CEP63: variants seen among roughly 807,000 people sequenced by gnomAD.
The protein encoded by CEP63 is centrosomal protein of 63 kDa.
A neutral mutation model predicts 89.1 loss-of-function variants in CEP63; 84 were observed. The observed-to-expected ratio is 0.94, with a 90% CI of 0.79 to 1.13. The LOEUF (loss-of-function observed/expected upper bound fraction) is 1.13, where lower values mean the gene tolerates loss of function less well. Ranked by LOEUF, CEP63 falls within the 50% of genes most tolerant of loss-of-function variation. The probability of loss-of-function intolerance (pLI) is 0.00; values close to 1 mark genes in which losing one functional copy is unlikely to be tolerated. For missense variants in CEP63, 838 were observed against 813.3 expected (o/e 1.03, Z -0.37); for synonymous variants, 267 against 272.5 (o/e 0.98, Z 0.20).
chr3:134,619,226 G>T, the CEP63 span: 9 of 1,613,864 alleles, frequency 5.6e-6, no homozygotes, highest in East Asian at 4.5e-5. Flanking sequence ...GGGTTTGAAG[G>T]CTTGGCGGTC....
rs77869166 is a variant in CEP63, at chr3:134,495,879, A to G, written c.44+515A>G. On this transcript the variant is annotated intron_variant, in intron 2 of 14. Coordinates refer to ENST00000675561, the MANE Select transcript of CEP63 (RefSeq NM_001353108.3). The stretch of plus-strand genomic sequence containing the variant: ...CACTTAACGACCACCAGTTTTATCC[A>G]TGTTGCTGCAAATAACAGGGCTTCA... Among the ~76,000 whole-genome samples, 1,135 of 152,292 alleles carry G rather than the reference A, an allele frequency of 7.5e-3. 23 individuals are homozygous for G. Among genetic ancestry groups the G allele is most frequent in the South Asian group, 0.073 (354 of 4,820 alleles).
chr3:134,748,607 A>C, the CEP63 span, among the ~76,000 whole-genome samples: 3 of 152,182 alleles, frequency 2.0e-5, no homozygotes, highest in African/African-American at 7.2e-5. Flanking sequence ...GGGCCCAGTC[A>C]TTCCACTGCA....
chr3:134,744,964 T>C, the CEP63 span, among the ~76,000 whole-genome samples: 1 of 152,232 alleles, frequency 6.6e-6, no homozygotes, highest in Non-Finnish European at 1.5e-5. Context: ...TGCATACTTT[T>C]AAGCATATAA....
the CEP63 span, among the ~76,000 whole-genome samples, chr3:134,687,563 C>T: frequency 2.0e-5 from 3 of 152,124 alleles, no homozygotes; most frequent in East Asian, 5.8e-4. Context: ...TCAGATGAGA[C>T]CTTGGATGTG....
At chr3:134,765,684 C>A in the CEP63 span, among the ~76,000 whole-genome samples, 1 of 152,100 alleles carries the variant, frequency 6.6e-6, no homozygotes, top group Non-Finnish European at 1.5e-5. Flanking sequence ...GGGAGAGAGT[C>A]TGTGTGAGAG....
the CEP63 span, among the ~76,000 whole-genome samples, chr3:134,597,155 G>A: frequency 2.8e-4 from 43 of 152,242 alleles, 1 homozygote; most frequent in South Asian, 6.2e-4. Context: ...ACCATTGGTC[G>A]GTTTTAAGTA....
At chr3:134,516,094 C>T (rs1359878846) in intron 3 of CEP63, among the ~76,000 whole-genome samples, 12 of 152,080 alleles carry the variant, frequency 7.9e-5, no homozygotes, top group Non-Finnish European at 1.6e-4. Flanking sequence ...CCTCTGAGTT[C>T]CCTTAGTATT....
the CEP63 span, among the ~76,000 whole-genome samples, chr3:134,768,884 G>A: frequency 6.6e-6 from 1 of 152,180 alleles, no homozygotes; most frequent in Non-Finnish European, 1.5e-5. Flanking sequence ...TAGCAGAAGA[G>A]GGGTCAAAAG....
chr3:134,660,771 T>A, the CEP63 span, among the ~76,000 whole-genome samples: 1 of 152,074 alleles, frequency 6.6e-6, no homozygotes, highest in Non-Finnish European at 1.5e-5. Flanking sequence ...GGAAGTGAAA[T>A]TGGCAGATTT....
At chr3:134,585,993 G>T (rs1002355993) in intron 10 of CEP63, among the ~76,000 whole-genome samples, 2 of 151,738 alleles carry the variant, frequency 1.3e-5, no homozygotes, top group African/African-American at 4.9e-5. Flanking sequence ...CTTAAAGTCT[G>T]TCTTATCAGA....
At chr3:134,632,083 C>T in the CEP63 span, among the ~76,000 whole-genome samples, 4 of 152,076 alleles carry the variant, frequency 2.6e-5, no homozygotes, top group African/African-American at 9.6e-5. Flanking sequence ...CTTCAATAGG[C>T]ATACGTCAAA....
At chr3:134,606,615 C>A in the CEP63 span, among the ~76,000 whole-genome samples, 1 of 152,136 alleles carries the variant, frequency 6.6e-6, no homozygotes, top group Admixed American at 6.5e-5. Flanking sequence ...GTGTAGTGTC[C>A]GAACTCCTTG....
chr3:134,609,837 TGTG>T, the CEP63 span, among the ~76,000 whole-genome samples: 5 of 152,288 alleles, frequency 3.3e-5, no homozygotes, highest in Non-Finnish European at 5.9e-5. Flanking sequence ...TGCCTGGTAA[TGTG>T]GTCAATGGCC....
the CEP63 span, among the ~76,000 whole-genome samples, chr3:134,666,528 A>G: frequency 6.6e-6 from 1 of 152,186 alleles, no homozygotes. Flanking sequence ...GGCAGGAGCC[A>G]GGGCACGAGG....
the CEP63 span, among the ~76,000 whole-genome samples, chr3:134,701,315 T>TGTATATATAC: frequency 9.1e-5 from 6 of 65,760 alleles, 2 homozygotes; most frequent in Non-Finnish European, 1.7e-4. Flanking sequence ...CGTATATATG[T>TGTATATATAC]GTATATATAC....
At chr3:134,634,184 C>T in the CEP63 span, among the ~76,000 whole-genome samples, 2 of 152,258 alleles carry the variant, frequency 1.3e-5, no homozygotes, top group African/African-American at 4.8e-5. Flanking sequence ...GGGCAATTCT[C>T]TCAAAATTGA....
rs770497177 is a variant in CEP63, at chr3:134,537,180, G to A, written c.467G>A (p.Trp156Ter). ...GAATTCCGTCAGAAATCGCTGGACT[G>A]GGAGAAGCAACGCTTGATTTATCAG... is the stretch of plus-strand genomic sequence containing the variant. ...IEEFRQKSLD[W>*]EKQRLIYQQQ... The change falls in exon 6 of 15, where the codon TGG becomes TAG. Residue 156 changes from tryptophan to a stop codon, truncating the protein, a stop_gained. Coordinates refer to ENST00000675561, the MANE Select transcript of CEP63 (RefSeq NM_001353108.3). LOFTEE classifies it high-confidence loss of function. 2.5e-6 allele frequency: 4 copies of A among 1,613,564 alleles called. No homozygotes were observed. Among genetic ancestry groups the A allele is most frequent in the Non-Finnish European group, 3.4e-6 (4 of 1,179,484 alleles).
chr3:134,625,775 C>T, the CEP63 span, among the ~76,000 whole-genome samples: 1 of 152,204 alleles, frequency 6.6e-6, no homozygotes, highest in Non-Finnish European at 1.5e-5. Context: ...GTAACAGGGC[C>T]CTGAGAAAGG....
chr3:134,561,649 C>G lies in CEP63; in HGVS notation c.*114C>G. On this transcript the variant is annotated 3_prime_UTR_variant, in exon 15 of 15. Coordinates refer to ENST00000675561, the MANE Select transcript of CEP63 (RefSeq NM_001353108.3). ...AGATAAAATTATAAAAATGATACAT[C>G]TAAAGCAGTGGTGAAGAAAGCTGAA... The G allele has an allele frequency of 5.3e-6, 8 of 1,511,610 alleles. No homozygotes were observed. Among genetic ancestry groups the G allele is most frequent in the Non-Finnish European group, 7.1e-6 (8 of 1,132,552 alleles). 93.6% of individuals were successfully genotyped at this position (1,511,610 alleles called of 1,614,324 possible).
Sources: allele counts gnomAD v4.1 joint callset (sites outside exome capture counted in the v4.1 genomes callset), GRCh38; gene constraint gnomAD v4.1.1; transcripts MANE v1.5; gene names NCBI Gene and HGNC (gene_info 2026-07-23, HGNC 2026-07-21).